IMMP2L: variants seen among roughly 807,000 people sequenced by gnomAD.
IMMP2L encodes inner mitochondrial membrane peptidase subunit 2, also known as mitochondrial inner membrane protease subunit 2.
IMMP2L carries 18 observed loss-of-function variants against 19.3 expected under a neutral mutation model. The observed-to-expected ratio is 0.93, with a 90% confidence interval of 0.64 to 1.38. The LOEUF (loss-of-function observed/expected upper bound fraction) is 1.38. IMMP2L is among the 40% of genes most tolerant of loss of function. The probability of loss-of-function intolerance (pLI) is 0.00; values close to 1 mark genes in which losing one functional copy is unlikely to be tolerated. For missense variants in IMMP2L, 233 were observed against 218.2 expected, an observed-to-expected ratio of 1.07 and a Z score of -0.43; for synonymous variants, 76 against 73.0, an observed-to-expected ratio of 1.04 and a Z score of -0.21.
intron 3 of IMMP2L, among the ~76,000 whole-genome samples, chr7:111,031,858 G>GA (rs1790857708): frequency 6.6e-6 from 1 of 151,214 alleles, no homozygotes; most frequent in African/African-American, 2.4e-5. Flanking sequence ...GATACATAAT[G>GA]AAAAGGCACT....
intron 5 of IMMP2L, among the ~76,000 whole-genome samples, chr7:110,825,826 A>C (rs1378186639): frequency 1.3e-5 from 2 of 152,196 alleles, no homozygotes; most frequent in Non-Finnish European, 2.9e-5. Flanking sequence ...CAAAAGCCAA[A>C]ATTGACGAAT....
chr7:111,271,825 C>A (rs1818503877), intron 3 of IMMP2L, among the ~76,000 whole-genome samples: 1 of 152,120 alleles, frequency 6.6e-6, no homozygotes, highest in African/African-American at 2.4e-5. Flanking sequence ...AATGACACCA[C>A]CATGAAGCAA....
At chr7:111,344,797 G>A (rs959407003) in intron 3 of IMMP2L, among the ~76,000 whole-genome samples, 36 of 152,120 alleles carry the variant, frequency 2.4e-4, no homozygotes, top group East Asian at 3.8e-4. Context: ...AAAGTAGATC[G>A]CTGTTACCTT....
At chr7:111,206,581 C>CATGTATCAAATGTATCA (rs1810732718) in intron 3 of IMMP2L, among the ~76,000 whole-genome samples, 1 of 151,808 alleles carries the variant, frequency 6.6e-6, no homozygotes, top group Non-Finnish European at 1.5e-5. Flanking sequence ...ATACAATATA[C>CATGTATCAAATGTATCA]AATGTATCAA....
At chr7:110,733,325 G>A (rs1796397377) in intron 5 of IMMP2L, among the ~76,000 whole-genome samples, 1 of 152,178 alleles carries the variant, frequency 6.6e-6, no homozygotes, top group African/African-American at 2.4e-5. Context: ...TAAGATGGAT[G>A]AAGAATTGAG....
intron 3 of IMMP2L, among the ~76,000 whole-genome samples, chr7:110,988,862 T>C (rs1822136949): frequency 6.6e-6 from 1 of 152,082 alleles, no homozygotes; most frequent in Non-Finnish European, 1.5e-5. Flanking sequence ...CACATAAATA[T>C]AGTATGTTCA....
intron 3 of IMMP2L, among the ~76,000 whole-genome samples, chr7:111,264,684 C>T (rs564539818): frequency 1.3e-5 from 2 of 151,164 alleles, no homozygotes; most frequent in Non-Finnish European, 2.9e-5. Flanking sequence ...GGAAAATGCA[C>T]GGCCAACTGG....
chr7:111,462,047 G>A (rs1840184367), intron 3 of IMMP2L, among the ~76,000 whole-genome samples: 1 of 151,170 alleles, frequency 6.6e-6, no homozygotes, highest in Non-Finnish European at 1.5e-5. Context: ...ATCTTCTTGG[G>A]GAGTTGATAA....
chr7:111,306,980 C>CTATA (rs1425290575), intron 3 of IMMP2L, among the ~76,000 whole-genome samples: 2 of 147,722 alleles, frequency 1.4e-5, no homozygotes, highest in South Asian at 2.1e-4. Flanking sequence ...TAACTATATT[C>CTATA]TATATAGATA....
At chr7:110,969,028 A>G (rs932367092) in intron 3 of IMMP2L, among the ~76,000 whole-genome samples, 13 of 152,136 alleles carry the variant, frequency 8.5e-5, no homozygotes, top group African/African-American at 2.9e-4. Flanking sequence ...AGAACAAGAA[A>G]AGCATTGTAA....
At chr7:110,799,186 A>G (rs571371658) in intron 5 of IMMP2L, among the ~76,000 whole-genome samples, 76 of 152,186 alleles carry the variant, frequency 5.0e-4, no homozygotes, top group African/African-American at 1.8e-3. Flanking sequence ...AGGTCTTTAC[A>G]AAGAATGCCT....
chr7:110,891,302 T>C (rs1044819312), intron 4 of IMMP2L, among the ~76,000 whole-genome samples: 5 of 151,842 alleles, frequency 3.3e-5, no homozygotes, highest in Admixed American at 1.3e-4. Flanking sequence ...CTATGCAGTG[T>C]TGGCCTCTGA....
chr7:110,674,083 G>C (rs1408877206), intron 5 of IMMP2L, among the ~76,000 whole-genome samples: 1 of 152,190 alleles, frequency 6.6e-6, no homozygotes, highest in Non-Finnish European at 1.5e-5. Context: ...AAAGGATAGA[G>C]GTTTAATTGA....
At chr7:111,114,187 C>A (rs1049713966) in intron 3 of IMMP2L, among the ~76,000 whole-genome samples, 8 of 151,876 alleles carry the variant, frequency 5.3e-5, no homozygotes, top group African/African-American at 1.7e-4. Flanking sequence ...ACAATGATTT[C>A]TCTTACAAGT....
intron 5 of IMMP2L, among the ~76,000 whole-genome samples, chr7:110,826,246 A>C (rs1356186898): frequency 4.6e-5 from 7 of 152,200 alleles, no homozygotes; most frequent in African/African-American, 1.2e-4. Context: ...GTGGGACTGT[A>C]AACTAGTTCA....
At chr7:111,465,151 G>A (rs1024360274) in intron 3 of IMMP2L, among the ~76,000 whole-genome samples, 3 of 152,094 alleles carry the variant, frequency 2.0e-5, no homozygotes, top group Non-Finnish European at 1.5e-5. Flanking sequence ...CAAAAGATCA[G>A]TAACACCTGT....
intron 5 of IMMP2L, among the ~76,000 whole-genome samples, chr7:110,696,775 G>A (rs555492354): frequency 6.6e-6 from 1 of 152,162 alleles, no homozygotes; most frequent in Non-Finnish European, 1.5e-5. Context: ...AGATAAAATG[G>A]GTATCGGAAA....
intron 3 of IMMP2L, among the ~76,000 whole-genome samples, chr7:111,008,244 A>G (rs947239775): frequency 6.6e-6 from 1 of 152,052 alleles, no homozygotes; most frequent in African/African-American, 2.4e-5. Flanking sequence ...CCTACATACT[A>G]TGACTCCCCC....
At chr7:111,363,895 C>T (rs150850084) in intron 3 of IMMP2L, among the ~76,000 whole-genome samples, 4 of 152,084 alleles carry the variant, frequency 2.6e-5, no homozygotes, top group Non-Finnish European at 4.4e-5. Context: ...ATCATGTTGT[C>T]CCTTACCAGA....
Sources: gnomAD v4.1 joint callset for allele counts (sites outside exome capture counted in the v4.1 genomes callset) on GRCh38, gnomAD v4.1.1 for gene constraint, MANE v1.5 for transcripts, NCBI Gene and HGNC (gene_info 2026-07-23, HGNC 2026-07-21) for gene names.